MYCBP2: variants seen among roughly 807,000 people sequenced by gnomAD.
MYCBP2 encodes E3 ubiquitin-protein ligase MYCBP2.
Under a neutral mutation model 525.3 loss-of-function variants are expected in MYCBP2, and 120 were observed. The ratio of observed to expected loss-of-function variants is 0.23; its 90% CI spans 0.20 to 0.27. The LOEUF (loss-of-function observed/expected upper bound fraction) is 0.27. MYCBP2 is among the 10% of genes least tolerant of loss of function. The pLI is 1.00. For synonymous variants in MYCBP2, 1,894 were observed against 1,955.8 expected, an observed-to-expected ratio of 0.97 and a Z score of 0.83; for missense variants, 4,149 against 5,657.1, an observed-to-expected ratio of 0.73 and a Z score of 8.55.
intron 68 of MYCBP2, among the ~76,000 whole-genome samples, chr13:77,074,610 A>G (rs1182338483): frequency 6.6e-6 from 1 of 152,234 alleles, no homozygotes; most frequent in East Asian, 1.9e-4. Flanking sequence ...CAACCCAAAT[A>G]TCCATCAAAA....
chr13:77,172,224 G>C (rs1362008445), intron 37 of MYCBP2, among the ~76,000 whole-genome samples: 4 of 150,650 alleles, frequency 2.7e-5, no homozygotes, highest in Non-Finnish European at 5.9e-5. Flanking sequence ...TTTTTTTAAA[G>C]ACCCACGCGA....
chr13:77,315,894 C>CAA (rs34819956), intron 1 of MYCBP2, among the ~76,000 whole-genome samples: 14 of 94,230 alleles, frequency 1.5e-4, no homozygotes, highest in African/African-American at 2.0e-4. Context: ...GGCTCTGTCT[C>CAA]AAAAAAAAAA....
In MYCBP2 at chr13:77,098,046, A is replaced by C. The variant is rs2046500936; in HGVS notation, c.9108T>G (p.Ala3036=). The change falls in exon 56 of 83, where the codon GCT becomes GCG. Residue 3036 remains alanine (A), a synonymous_variant. Transcript: ENST00000544440. ...CTATGCCTTCATGCCAGAGGAAGGA[A>C]GCAAACACAGCTCTGGCACATTCGG... ...SVAECARAVF[A]SFLWHEGIVH... 6.2e-7 allele frequency: 1 copy of C among 1,613,658 alleles called. No homozygotes were observed. Among genetic ancestry groups the C allele is most frequent in the Middle Eastern group, 1.7e-4 (1 of 6,048 alleles).
chr13:77,076,604 A>G, intron 68 of MYCBP2, 147 bp downstream of exon 68: 1 of 551,552 alleles, frequency 1.8e-6, no homozygotes, highest in South Asian at 2.7e-5. Flanking sequence ...TTTCTTTTAG[A>G]TAGTTCCTTC....
At chr13:77,124,161 G>A (rs1016099935) in intron 54 of MYCBP2, among the ~76,000 whole-genome samples, 2 of 152,156 alleles carry the variant, frequency 1.3e-5, no homozygotes, top group Non-Finnish European at 2.9e-5. Flanking sequence ...TCTGGCTGAA[G>A]TCTTACATCT....
Position 77,267,953 on chromosome 13 carries a change from A to T in MYCBP2, c.1261-16T>A. 1 of 1,556,454 alleles carries T rather than the reference A, an allele frequency of 6.4e-7. No individual in the cohort carries two copies. Among genetic ancestry groups the T allele is most frequent in the Non-Finnish European group, 8.8e-7 (1 of 1,131,284 alleles). The stretch of plus-strand genomic sequence containing the variant: ...ATAAATAACCCTGATAACAGCAAAA[A>T]ATTTTCCTGTTAAAATATTTATTAC... On this transcript the variant is annotated splice_polypyrimidine_tract_variant and intron_variant, in intron 7 of 82. Coordinates refer to ENST00000544440, the MANE Select transcript of MYCBP2 (RefSeq NM_015057.5).
chr13:77,268,615 C>A (rs999062409), intron 7 of MYCBP2, among the ~76,000 whole-genome samples: 1 of 151,894 alleles, frequency 6.6e-6, no homozygotes, highest in African/African-American at 2.4e-5. Context: ...CCCGTCTCTA[C>A]TAAAAATACA....
chr13:77,162,016 T>G (rs535641382), intron 43 of MYCBP2, 61 bp from the exon 44 acceptor site: 1 of 1,154,232 alleles, frequency 8.7e-7, no homozygotes. Flanking sequence ...TTTAATTTTC[T>G]AGTCCTTTGC....
At chr13:77,201,449 C>T (rs12584070) in intron 26 of MYCBP2, among the ~76,000 whole-genome samples, 24,887 of 151,904 alleles carry the variant, frequency 0.16, 2,329 homozygotes, top group South Asian at 0.4. Flanking sequence ...TAAAGGGAGA[C>T]TTTAACACCC....
At chr13:77,152,634 C>G (rs964156399) in intron 46 of MYCBP2, among the ~76,000 whole-genome samples, 1 of 152,166 alleles carries the variant, frequency 6.6e-6, no homozygotes, top group Non-Finnish European at 1.5e-5. Context: ...TGATGAGACG[C>G]GCGGCTTAAC....
intron 46 of MYCBP2, among the ~76,000 whole-genome samples, chr13:77,152,899 A>G (rs1264448744): frequency 6.6e-6 from 1 of 151,982 alleles, no homozygotes; most frequent in Non-Finnish European, 1.5e-5. Flanking sequence ...CCCCGTCTCT[A>G]CTAAAAATAC....
Position 77,045,192 on chromosome 13 carries a change from A to C in MYCBP2, c.*186T>G. On this transcript the variant is annotated 3_prime_UTR_variant, in exon 83 of 83. Transcript: ENST00000544440. The stretch of plus-strand genomic sequence containing the variant: ...GTTCAAAAGAAGATAAACCAAAATA[A>C]TGGGGAAACTTTTCATAGCAAGAAT... 1 of 484,668 alleles carries C rather than the reference A, an allele frequency of 2.1e-6. No individual in the cohort carries two copies. The allele number at this position is 484,668 out of a possible 1,614,324, so 30.0% of individuals were successfully genotyped here.
chr13:77,175,940 G>C (rs1297916989), intron 36 of MYCBP2, among the ~76,000 whole-genome samples: 1 of 150,348 alleles, frequency 6.7e-6, no homozygotes, highest in Non-Finnish European at 1.5e-5. Flanking sequence ...CTGGGCGACA[G>C]AGTGAGACTC....
At position 77,090,168 on chromosome 13, in the gene MYCBP2, T is replaced by A; in HGVS notation, c.10463A>T (p.His3488Leu). The A allele has an allele frequency of 6.2e-7, 1 of 1,612,816 alleles. No individual in the cohort carries two copies. The highest frequency in any genetic ancestry group is 2.2e-5 in the East Asian group (1 of 44,754). ...TTTAACTCGTGCAGGTAAAATGGAGTGTTGTTTATCATATTCGGAAGCAAC... is the reference window on the plus strand; with the variant it reads ...TTTAACTCGTGCAGGTAAAATGGAGAGTTGTTTATCATATTCGGAAGCAAC... ...SVVASEYDKQHSILPARVKAI... is the reference protein window; with the variant it reads ...SVVASEYDKQLSILPARVKAI... Residue 3488 changes from histidine to leucine, a missense_variant, in exon 60 of 83, where the codon CAC becomes CTC. Transcript: ENST00000544440.
At chr13:77,078,588 G>T (rs1056746942) in intron 66 of MYCBP2, among the ~76,000 whole-genome samples, 30 of 152,098 alleles carry the variant, frequency 2.0e-4, no homozygotes, top group African/African-American at 6.5e-4. Context: ...GAGACTGTAG[G>T]TACAATATAA....
At chr13:77,316,001 G>C (rs1488732873) in intron 1 of MYCBP2, among the ~76,000 whole-genome samples, 4 of 151,820 alleles carry the variant, frequency 2.6e-5, no homozygotes, top group African/African-American at 7.3e-5. Context: ...AACACCTACA[G>C]CTAATATCAT....
At chr13:77,103,336 A>T in intron 55 of MYCBP2, 1 of 397,466 alleles carries the variant, frequency 2.5e-6, no homozygotes, top group Non-Finnish European at 4.4e-6. Flanking sequence ...TTGGCAAAGA[A>T]GCAGCACAGA....
rs962938383 is a variant in MYCBP2 at position 77,157,981 on chromosome 13, A to G, written c.6726T>C (p.Asp2242=). The G allele has an allele frequency of 1.2e-6, 2 of 1,613,580 alleles. No homozygotes were observed. Among genetic ancestry groups the G allele is most frequent in the Admixed American group, 1.7e-5 (1 of 59,914 alleles). Residue 2242 remains aspartate, a synonymous_variant, in exon 45 of 83, where the codon GAT becomes GAC. Coordinates refer to ENST00000544440, the MANE Select transcript of MYCBP2 (RefSeq NM_015057.5). The part of the protein sequence containing the change: ...IQSNEQSFLD[D]FIACVPGSSG... ...TTGATCCTGGGACACAGGCAATAAA[A>G]TCATCCAGAAAAGACTGTTCATTGC...
At chr13:77,211,831 A>C in intron 22 of MYCBP2, 125 bp downstream of exon 22, 1 of 749,478 alleles carries the variant, frequency 1.3e-6, no homozygotes. Context: ...GCTTTGTTTA[A>C]ATTTCTTTGA....
Sources: gnomAD v4.1 joint callset for allele counts (sites outside exome capture counted in the v4.1 genomes callset) on GRCh38, gnomAD v4.1.1 for gene constraint, MANE v1.5 for transcripts, NCBI Gene and HGNC (gene_info 2026-07-23, HGNC 2026-07-21) for gene names.